The following CECR2 variants were observed in gnomAD, a reference collection of about 807,000 sequenced individuals.
The protein encoded by CECR2 is CECR2 histone acetyl-lysine reader.
In CECR2, 30 loss-of-function variants were observed where a neutral mutation model predicts 154.5. That is an observed-to-expected ratio of 0.19 (90% CI 0.15 to 0.26). The LOEUF is 0.26. Among genes scored for constraint, CECR2 ranks in the 10% least tolerant of loss-of-function variants. The pLI, the probability that CECR2 is intolerant of heterozygous loss-of-function variation, is 1.00. For missense variants in CECR2, 1,743 were observed against 1,829.3 expected (o/e 0.95, Z 0.86); for synonymous variants, 725 against 683.7 (o/e 1.06, Z -0.94).
chr22:17,534,909 G>A lies in CECR2; in HGVS notation c.1109-2194G>A, dbSNP rs147074259. 7.1e-3 allele frequency among the ~76,000 whole-genome samples: 1,057 copies of A among 149,392 alleles called. 8 individuals are homozygous for A. Among genetic ancestry groups the A allele is most frequent in the African/African-American group, 0.024 (958 of 40,650 alleles). ...CTCATGTCTGTAATCCCAGCACTTT[G>A]GGAGGTCGAGGCAGGTGGATCACAA... On this transcript the variant is annotated intron_variant, in intron 9 of 18. Coordinates refer to ENST00000262608, the MANE Select transcript of CECR2 (RefSeq NM_001290047.2).
In CECR2 at chr22:17,477,708, A is replaced by G. The variant is rs1555914829; in HGVS notation, c.221+26A>G. ...GTGAGTAATTCTGATCTTTCTAAGC[A>G]TTTCTTGCGCCAAGAACTAATTAAC... On this transcript the variant is annotated intron_variant, in intron 2 of 18. Coordinates refer to ENST00000262608, the MANE Select transcript of CECR2 (RefSeq NM_001290047.2). 16 of 1,526,052 alleles carry G rather than the reference A, an allele frequency of 1.0e-5. 1 individual carries two copies. In the South Asian group the frequency reaches 1.8e-4, roughly 17 times the overall value. The allele number at this position is 1,526,052 out of a possible 1,614,324, so 94.5% of individuals were successfully genotyped here.
At chr22:17,381,533 GCA>G (rs1361342958) in intron 1 of CECR2, among the ~76,000 whole-genome samples, 5 of 152,078 alleles carry the variant, frequency 3.3e-5, no homozygotes, top group Non-Finnish European at 5.9e-5. Flanking sequence ...TCTGTAACAT[GCA>G]CATTTTTAAG....
chr22:17,394,197 CTTTT>C (rs71200271), intron 1 of CECR2, among the ~76,000 whole-genome samples: 8 of 97,096 alleles, frequency 8.2e-5, no homozygotes, highest in African/African-American at 2.5e-4. Context: ...GCTGCCGCTG[CTTTT>C]TTTTTTTTTT....
intron 9 of CECR2, among the ~76,000 whole-genome samples, chr22:17,529,632 G>A (rs1311732645): frequency 4.0e-5 from 6 of 151,718 alleles, no homozygotes; most frequent in African/African-American, 1.2e-4. Context: ...CCCGGGAGGC[G>A]GAGCTTCCAG....
chr22:17,470,338 T>A (rs534100785), intron 1 of CECR2, among the ~76,000 whole-genome samples: 65 of 143,578 alleles, frequency 4.5e-4, no homozygotes, highest in African/African-American at 1.6e-3. Flanking sequence ...CTCGGGTGGC[T>A]GAAGCTGGAG....
intron 1 of CECR2, among the ~76,000 whole-genome samples, chr22:17,423,776 C>T (rs1235844508): frequency 6.6e-6 from 1 of 152,112 alleles, no homozygotes; most frequent in Non-Finnish European, 1.5e-5. Context: ...TTGGTATTCC[C>T]GGCTGTCTCC....
chr22:17,518,114 A>T (rs2056091028), intron 8 of CECR2, among the ~76,000 whole-genome samples: 1 of 149,396 alleles, frequency 6.7e-6, no homozygotes, highest in Non-Finnish European at 1.5e-5. Context: ...CTTTTTGATC[A>T]TCCCATCAGT....
Position 17,549,783 on chromosome 22 carries a change from G to GTTTTTTTTTTTTTTTTTTTTT in CECR2, c.4277+219_4277+220insTTTTTTTTTTTTTTTTTTTTT. On this transcript the variant is annotated intron_variant, in intron 17 of 18. Coordinates refer to ENST00000262608, the MANE Select transcript of CECR2 (RefSeq NM_001290047.2). ...TGCCACCACACCCAGCTAACTTTTT[G>GTTTTTTTTTTTTTTTTTTTTT]GTTTTTTTTTTTTTTTTTTTTTGGT... Among the ~76,000 whole-genome samples the GTTTTTTTTTTTTTTTTTTTTT allele has an allele frequency of 2.3e-5, 2 of 88,856 alleles. 1 individual carries two copies. The highest frequency in any genetic ancestry group is 4.3e-5 in the Non-Finnish European group (2 of 46,544). The allele number at this position is 88,856 out of a possible 152,430, so 58.3% of individuals were successfully genotyped here.
chr22:17,475,650 G>A (rs1192957466), intron 1 of CECR2, among the ~76,000 whole-genome samples: 3 of 152,026 alleles, frequency 2.0e-5, no homozygotes, highest in Admixed American at 6.6e-5. Context: ...TTTCATTTCC[G>A]GCTCTAGCTG....
At chr22:17,444,683 A>G (rs752428958) in intron 1 of CECR2, among the ~76,000 whole-genome samples, 7 of 152,232 alleles carry the variant, frequency 4.6e-5, no homozygotes, top group Non-Finnish European at 7.3e-5. Flanking sequence ...AAAATGAGAA[A>G]TTGCAATAGC....
intron 3 of CECR2, 107 bp from the exon 4 acceptor site, chr22:17,499,303 T>G: frequency 2.2e-6 from 3 of 1,380,800 alleles, no homozygotes; most frequent in Non-Finnish European, 3.0e-6. Flanking sequence ...TTGGGCATTT[T>G]TAGATTTGAG....
intron 1 of CECR2, among the ~76,000 whole-genome samples, chr22:17,432,622 C>T (rs919408569): frequency 2.0e-5 from 3 of 152,170 alleles, no homozygotes; most frequent in Non-Finnish European, 2.9e-5. Context: ...CACATCCTCG[C>T]CAACACTTGT....
chr22:17,389,242 C>A (rs1330910578), intron 1 of CECR2, among the ~76,000 whole-genome samples: 2 of 152,156 alleles, frequency 1.3e-5, no homozygotes, highest in Non-Finnish European at 2.9e-5. Context: ...ACTGCCATCT[C>A]CCTCTTTCTC....
intron 1 of CECR2, among the ~76,000 whole-genome samples, chr22:17,374,246 G>A (rs940114942): frequency 3.1e-4 from 47 of 152,276 alleles, no homozygotes; most frequent in African/African-American, 1.1e-3. Context: ...TCCTGGTTGT[G>A]TTTGTACGTG....
rs368808337 is a variant in CECR2, at chr22:17,449,805, CT to C, written c.127-27781del. On this transcript the variant is annotated intron_variant, in intron 1 of 18. Transcript: ENST00000262608. ...CGCCCAGCCCAACCAATTCTTATTT[CT>C]TAACATTTTTGACCTGTTCTGTACT... Among the ~76,000 whole-genome samples, 327 of 152,264 alleles carry C rather than the reference CT, an allele frequency of 2.1e-3. 1 individual carries two copies. Among genetic ancestry groups the C allele is most frequent in the African/African-American group, 7.4e-3 (306 of 41,542 alleles).
At position 17,539,045 on chromosome 22, in the gene CECR2, G is replaced by C; in HGVS notation, c.1421G>C (p.Cys474Ser). ...AAGAAACTGAATGGAGGTTTATACT[G>C]TACCAAGGAGGAATTTGTAAATGAC... ...MEKKLNGGLY[C>S]TKEEFVNDMK... is the part of the protein sequence containing the mutation. Residue 474 changes from cysteine to serine, a missense_variant, in exon 13 of 19, where the codon TGT becomes TCT. Around this residue, in one of 4 missense-constraint regions of CECR2, gnomAD observed 103 missense variants for 166.8 expected, o/e 0.62. Coordinates refer to ENST00000262608, the MANE Select transcript of CECR2 (RefSeq NM_001290047.2). 3 of 1,613,782 alleles carry C rather than the reference G, an allele frequency of 1.9e-6. No homozygotes were observed. The highest frequency in any genetic ancestry group is 1.1e-5 in the South Asian group (1 of 91,076).
At chr22:17,411,417 A>G (rs2054066648) in intron 1 of CECR2, among the ~76,000 whole-genome samples, 1 of 152,360 alleles carries the variant, frequency 6.6e-6, no homozygotes, top group East Asian at 1.9e-4. Flanking sequence ...TGTCCAATCC[A>G]GTGTGAAAGA....
At chr22:17,407,247 A>T (rs967726937) in intron 1 of CECR2, among the ~76,000 whole-genome samples, 1 of 152,222 alleles carries the variant, frequency 6.6e-6, no homozygotes, top group African/African-American at 2.4e-5. Context: ...ATAAGCTTGC[A>T]TCATCCTAGT....
At chr22:17,470,584 G>A (rs1271646173) in intron 1 of CECR2, among the ~76,000 whole-genome samples, 1 of 152,012 alleles carries the variant, frequency 6.6e-6, no homozygotes, top group African/African-American at 2.4e-5. Context: ...CCCTATTTCT[G>A]TTTATCCGTT....
Sources: allele counts gnomAD v4.1 joint callset (sites outside exome capture counted in the v4.1 genomes callset), GRCh38; gene constraint gnomAD v4.1.1; regional missense constraint gnomAD v4.1.1; transcripts MANE v1.5; gene names NCBI Gene and HGNC (gene_info 2026-07-23, HGNC 2026-07-21).